Variants in RELN observed in about 807,000 individuals in gnomAD.
RELN encodes the protein reelin.
RELN carries 108 observed loss-of-function variants against 427.6 expected under a neutral mutation model. The ratio of observed to expected loss-of-function variants is 0.25; its 90% CI spans 0.22 to 0.30. RELN has a LOEUF of 0.30. Among genes scored for constraint, RELN ranks in the 10% least tolerant of loss-of-function variants. The pLI is 1.00. For missense variants in RELN, 3,715 were observed against 4,302.8 expected, an observed-to-expected ratio of 0.86 and a Z score of 3.82; for synonymous variants, 1,524 against 1,513.4, an observed-to-expected ratio of 1.01 and a Z score of -0.16.
At chr7:103,888,078 T>C (rs1794763445) in intron 2 of RELN, among the ~76,000 whole-genome samples, 1 of 152,030 alleles carries the variant, frequency 6.6e-6, no homozygotes, top group Admixed American at 6.6e-5. Context: ...CTGTAGGGGC[T>C]CTCTATTGCT....
intron 55 of RELN, 104 bp downstream of exon 55, chr7:103,497,716 A>G: frequency 3.2e-6 from 3 of 931,726 alleles, no homozygotes; most frequent in Non-Finnish European, 5.2e-6. Context: ...GAGTTTCACA[A>G]TTCAAACTGT....
rs1830200452 is a variant in RELN, at chr7:103,542,726, A to G, written c.6671+5T>C. ...TTTTTTTCAACAGCATCTAAAAATG[A>G]TTACCTAGCATGTGATAAATCCAGG... On this transcript the variant is annotated splice_donor_5th_base_variant and intron_variant, in intron 43 of 64. Coordinates refer to ENST00000428762, the MANE Select transcript of RELN (RefSeq NM_005045.4). 1.2e-6 allele frequency: 2 copies of G among 1,613,938 alleles called. No homozygotes were observed. Among genetic ancestry groups the G allele is most frequent in the African/African-American group, 2.7e-5 (2 of 74,930 alleles).
At chr7:103,499,088 G>C (rs1055382958) in intron 53 of RELN, among the ~76,000 whole-genome samples, 2 of 152,134 alleles carry the variant, frequency 1.3e-5, no homozygotes, top group Non-Finnish European at 2.9e-5. Flanking sequence ...GGTCTACATG[G>C]TTAGGCAGGG....
In RELN at chr7:103,569,571, C is replaced by T. The variant is rs1372233750; in HGVS notation, c.4588+2613G>A. Among the ~76,000 whole-genome samples the T allele has an allele frequency of 2.6e-5, 4 of 152,176 alleles. No individual in the cohort carries two copies. Among genetic ancestry groups the T allele is most frequent in the Non-Finnish European group, 5.9e-5 (4 of 68,030 alleles). ...CAGGTGAACATTAAATTATAAGAAA[C>T]ATGGCTCAGGAGGTACATACTTCAT... On this transcript the variant is annotated intron_variant, in intron 31 of 64. Coordinates refer to ENST00000428762, the MANE Select transcript of RELN (RefSeq NM_005045.4). This position sits in a 1 kb window ranked among gnomAD's most constrained non-coding sequence, Gnocchi z 4.0.
At position 103,824,245 on chromosome 7, in the gene RELN, G is replaced by A. The variant is rs999513725; in HGVS notation, c.473+9292C>T. On this transcript the variant is annotated intron_variant, in intron 3 of 64. Transcript: ENST00000428762. This position sits in a 1 kb window ranked among gnomAD's most constrained non-coding sequence, Gnocchi z 4.4. ...TTCTCTCCTTCTAAAACTTCAATTA[G>A]ATGTTAATTTCTTCACTTGGAGTTC... Among the ~76,000 whole-genome samples the A allele has an allele frequency of 6.6e-6, 1 of 151,938 alleles. No homozygotes were observed. Among genetic ancestry groups the A allele is most frequent in the Admixed American group, 6.6e-5 (1 of 15,194 alleles).
At chr7:103,825,514 G>A (rs763458718) in intron 3 of RELN, among the ~76,000 whole-genome samples, 1 of 152,160 alleles carries the variant, frequency 6.6e-6, no homozygotes, top group Non-Finnish European at 1.5e-5. Flanking sequence ...TAGAAGTTAT[G>A]ATGGTTCAAG....
chr7:103,596,332 T>C (rs990324963), intron 25 of RELN, 124 bp downstream of exon 25: 1 of 804,178 alleles, frequency 1.2e-6, no homozygotes, highest in Non-Finnish European at 2.2e-6. Flanking sequence ...GGGCTATCAT[T>C]CATGTTAAAT....
At chr7:103,706,241 C>T (rs927102493) in intron 8 of RELN, among the ~76,000 whole-genome samples, 1 of 150,870 alleles carries the variant, frequency 6.6e-6, no homozygotes, top group Non-Finnish European at 1.5e-5. Flanking sequence ...AAAAAAGGAG[C>T]TGCTCTGAGA....
chr7:103,800,505 G>T (rs950163182), intron 3 of RELN, among the ~76,000 whole-genome samples: 2 of 152,180 alleles, frequency 1.3e-5, no homozygotes, highest in Non-Finnish European at 2.9e-5. Flanking sequence ...AATAAATGGT[G>T]CTGGGAAAAC....
chr7:103,822,257 CTAAA>C (rs1366678489), intron 3 of RELN, among the ~76,000 whole-genome samples: 1 of 151,746 alleles, frequency 6.6e-6, no homozygotes, highest in African/African-American at 2.4e-5. Context: ...TTTTATTAGT[CTAAA>C]TAGCATTCAA....
intron 3 of RELN, among the ~76,000 whole-genome samples, chr7:103,810,335 C>T (rs893377801): frequency 4.6e-5 from 7 of 152,228 alleles, no homozygotes; most frequent in African/African-American, 1.4e-4. Context: ...TTTTGTCACT[C>T]GGGCCTTGAA....
chr7:103,562,013 C>T lies in RELN; in HGVS notation c.5211-60G>A, dbSNP rs967793894. On this transcript the variant is annotated intron_variant, in intron 34 of 64. Coordinates refer to ENST00000428762, the MANE Select transcript of RELN (RefSeq NM_005045.4). ...GGTTTGACAAGCAACCTTGAAAGCACAAGGACATTTATTTTAATTCCCTTT... is the reference window on the plus strand; with the variant it reads ...GGTTTGACAAGCAACCTTGAAAGCATAAGGACATTTATTTTAATTCCCTTT... The T allele has an allele frequency of 7.0e-6, 11 of 1,561,374 alleles. No individual in the cohort carries two copies. The Admixed American group carries it at 9.3e-5, about 13-fold the overall frequency.
At position 103,501,007 on chromosome 7, in the gene RELN, A is replaced by T. The variant is rs2117033705; in HGVS notation, c.8490-85T>A. 48 of 1,235,828 alleles carry T rather than the reference A, an allele frequency of 3.9e-5. 1 individual carries two copies. The South Asian group carries it at 5.7e-4, about 15-fold the overall frequency. 76.6% of individuals were successfully genotyped at this position (1,235,828 alleles called of 1,614,324 possible). ...TGTCCTGCATGTGTATTCAGTACTCAAGAGAAAAAACATTTAAGATACTCT... is the reference window on the plus strand; with the variant it reads ...TGTCCTGCATGTGTATTCAGTACTCTAGAGAAAAAACATTTAAGATACTCT... On this transcript the variant is annotated intron_variant, in intron 52 of 64. Transcript: ENST00000428762.
chr7:103,533,143 C>G (rs1383609990), intron 46 of RELN, among the ~76,000 whole-genome samples: 1 of 152,222 alleles, frequency 6.6e-6, no homozygotes, highest in Non-Finnish European at 1.5e-5. Context: ...GCCAACAATA[C>G]TGGGATCCTA....
chr7:103,475,138 G>T (rs1827989557), intron 64 of RELN, among the ~76,000 whole-genome samples: 1 of 152,046 alleles, frequency 6.6e-6, no homozygotes, highest in Non-Finnish European at 1.5e-5. Flanking sequence ...CGCCTCATTG[G>T]CCAGCTGTCA....
At chr7:103,806,612 A>G (rs1792606723) in intron 3 of RELN, among the ~76,000 whole-genome samples, 1 of 152,180 alleles carries the variant, frequency 6.6e-6, no homozygotes, top group Middle Eastern at 3.2e-3. Context: ...GGTGTGAGCC[A>G]CCATGCCCGG....
At chr7:103,615,443 G>C (rs1484333946) in intron 20 of RELN, among the ~76,000 whole-genome samples, 1 of 152,146 alleles carries the variant, frequency 6.6e-6, no homozygotes, top group Non-Finnish European at 1.5e-5. Flanking sequence ...TGTCCACAGG[G>C]AGGGATCATA....
chr7:103,600,501 C>G (rs1393992573), intron 24 of RELN, among the ~76,000 whole-genome samples: 1 of 152,172 alleles, frequency 6.6e-6, no homozygotes, highest in African/African-American at 2.4e-5. Flanking sequence ...AACGGGTCTA[C>G]TCTTTCAAAT....
intron 17 of RELN, among the ~76,000 whole-genome samples, chr7:103,637,026 C>T (rs1832598462): frequency 6.6e-6 from 1 of 152,182 alleles, no homozygotes; most frequent in Non-Finnish European, 1.5e-5. Flanking sequence ...TGTGTTGCCT[C>T]TCAGTGGACT....
Sources: gnomAD v4.1 joint callset for allele counts (sites outside exome capture counted in the v4.1 genomes callset) on GRCh38, gnomAD v4.1.1 for gene constraint, Gnocchi (gnomAD v3.1) non-coding constraint, MANE v1.5 for transcripts, NCBI Gene and HGNC (gene_info 2026-07-23, HGNC 2026-07-21) for gene names.